The following GABRG3 variants were observed in gnomAD, a reference collection of about 807,000 sequenced individuals.
The protein encoded by GABRG3 is gamma-aminobutyric acid type A receptor subunit gamma3.
In GABRG3, 25 loss-of-function variants were observed where a neutral mutation model predicts 48.8. The ratio of observed to expected loss-of-function variants is 0.51; its 90% CI spans 0.37 to 0.72. GABRG3 has a LOEUF of 0.72. Ranked by LOEUF, GABRG3 falls within the 30% of genes least tolerant of loss-of-function variation. The pLI is 0.00. For synonymous variants in GABRG3, 227 were observed against 217.6 expected (o/e 1.04, Z -0.38); for missense variants, 394 against 577.9 (o/e 0.68, Z 3.26).
chr15:27,397,625 C>G (rs1224309128), intron 5 of GABRG3, among the ~76,000 whole-genome samples: 4 of 152,122 alleles, frequency 2.6e-5, no homozygotes, highest in Non-Finnish European at 4.4e-5. Flanking sequence ...CTCTGCTCGT[C>G]TATGGTTTGT....
At chr15:27,121,530 C>A (rs887194216) in intron 3 of GABRG3, among the ~76,000 whole-genome samples, 1 of 152,246 alleles carries the variant, frequency 6.6e-6, no homozygotes, top group Non-Finnish European at 1.5e-5. Context: ...ATGTGACTAA[C>A]AGTGACTGTG....
rs183523872 is a variant in GABRG3 at position 27,170,446 on chromosome 15, A to C, written c.270+143625A>C. ...ATGAACCCTAGAGCCACCATTAAAAACAACACTGTGAGGTAAAGCTTAAGA... is the reference window on the plus strand; with the variant it reads ...ATGAACCCTAGAGCCACCATTAAAACCAACACTGTGAGGTAAAGCTTAAGA... On this transcript the variant is annotated intron_variant, in intron 3 of 9. Coordinates refer to ENST00000615808, the MANE Select transcript of GABRG3 (RefSeq NM_033223.5). 2.0e-5 allele frequency among the ~76,000 whole-genome samples: 3 copies of C among 152,326 alleles called. No individual in the cohort carries two copies. The East Asian group carries it at 5.8e-4, about 29-fold the overall frequency.
intron 3 of GABRG3, among the ~76,000 whole-genome samples, chr15:27,034,723 T>G (rs952327576): frequency 2.2e-4 from 33 of 152,346 alleles, no homozygotes; most frequent in African/African-American, 7.2e-4. Flanking sequence ...GGTCACTTAC[T>G]TACCCCAATC....
chr15:27,410,450 T>C (rs1440735982), intron 5 of GABRG3, among the ~76,000 whole-genome samples: 2 of 152,238 alleles, frequency 1.3e-5, no homozygotes, highest in Non-Finnish European at 2.9e-5. Context: ...ACAAATATTG[T>C]CAGAATTGAT....
chr15:27,527,606 A>G lies in GABRG3; in HGVS notation c.1039A>G (p.Thr347Ala), dbSNP rs768772490. The G allele has an allele frequency of 1.2e-5, 20 of 1,611,538 alleles. No homozygotes were observed. Among genetic ancestry groups the G allele is most frequent in the Admixed American group, 3.4e-5 (2 of 59,630 alleles). ...LNYYSSCRKPTTTKKTTSLLH... is the reference protein window; with the variant it reads ...LNYYSSCRKPATTKKTTSLLH... ...CTACTATTCCAGCTGTAGAAAACCA[A>G]CCACCACGAAGAAGACAACATCGGT... is the stretch of plus-strand genomic sequence containing the variant. Residue 347 changes from threonine to alanine, a missense_variant, in exon 8 of 10, where the codon ACC becomes GCC. Thr to Ala is a moderately conservative substitution (Grantham distance 58). Transcript: ENST00000615808.
intron 3 of GABRG3, among the ~76,000 whole-genome samples, chr15:27,072,077 A>C (rs976974165): frequency 6.6e-6 from 1 of 152,148 alleles, no homozygotes; most frequent in Non-Finnish European, 1.5e-5. Flanking sequence ...CCGCCCTTAA[A>C]AGTAAGAGCC....
chr15:27,254,149 C>T (rs1456549725), intron 3 of GABRG3, among the ~76,000 whole-genome samples: 1 of 152,188 alleles, frequency 6.6e-6, no homozygotes, highest in Non-Finnish European at 1.5e-5. Flanking sequence ...CCCTGGAATG[C>T]ACTGGCGACA....
chr15:27,416,839 A>G (rs1284134638), intron 5 of GABRG3, among the ~76,000 whole-genome samples: 3 of 152,182 alleles, frequency 2.0e-5, no homozygotes, highest in Admixed American at 6.5e-5. Flanking sequence ...ATCCAAGAAG[A>G]GTTACTGATT....
At chr15:27,119,000 T>C (rs1897687801) in intron 3 of GABRG3, among the ~76,000 whole-genome samples, 1 of 152,200 alleles carries the variant, frequency 6.6e-6, no homozygotes, top group East Asian at 1.9e-4. Context: ...TCTCCTACCA[T>C]TCTTCCCTGA....
chr15:27,123,617 G>A (rs562934720), intron 3 of GABRG3, among the ~76,000 whole-genome samples: 4 of 152,164 alleles, frequency 2.6e-5, no homozygotes, highest in African/African-American at 7.2e-5. Context: ...ATCTCAGCCC[G>A]TATTCTTTGT....
chr15:27,085,334 T>A (rs1897057849), intron 3 of GABRG3, among the ~76,000 whole-genome samples: 1 of 152,206 alleles, frequency 6.6e-6, no homozygotes, highest in Non-Finnish European at 1.5e-5. Context: ...CCTATAGCAC[T>A]GGTACACCAG....
At chr15:27,235,923 C>T (rs1031937652) in intron 3 of GABRG3, among the ~76,000 whole-genome samples, 1 of 152,144 alleles carries the variant, frequency 6.6e-6, no homozygotes, top group Admixed American at 6.5e-5. Flanking sequence ...AAAAGTCCTC[C>T]TCCTCTTCCT....
intron 2 of GABRG3, among the ~76,000 whole-genome samples, chr15:26,994,269 C>T (rs1189273489): frequency 6.6e-6 from 1 of 151,680 alleles, no homozygotes; most frequent in Non-Finnish European, 1.5e-5. Flanking sequence ...CGGTTTTTTG[C>T]AGTCTTCCTT....
chr15:27,343,309 C>T (rs1253960110), intron 5 of GABRG3, among the ~76,000 whole-genome samples: 1 of 152,168 alleles, frequency 6.6e-6, no homozygotes, highest in African/African-American at 2.4e-5. Context: ...CTCAAACAGA[C>T]CTGTGCTTTG....
chr15:27,246,397 A>G (rs563195304), intron 3 of GABRG3, among the ~76,000 whole-genome samples: 1 of 152,320 alleles, frequency 6.6e-6, no homozygotes, highest in South Asian at 2.1e-4. Context: ...ATTACTTTCT[A>G]CATATATACT....
At chr15:27,267,950 T>C (rs113662932) in intron 3 of GABRG3, among the ~76,000 whole-genome samples, 3,915 of 152,266 alleles carry the variant, frequency 0.026, 91 homozygotes, top group Admixed American at 0.066. Flanking sequence ...ATATACTATT[T>C]TTAAAAAAAT....
At chr15:27,218,376 T>C (rs1337130504) in intron 3 of GABRG3, among the ~76,000 whole-genome samples, 1 of 152,164 alleles carries the variant, frequency 6.6e-6, no homozygotes, top group Non-Finnish European at 1.5e-5. Context: ...TCTCAGAATT[T>C]TATGCTCTTA....
At chr15:26,988,108 G>T (rs1895182875) in intron 2 of GABRG3, among the ~76,000 whole-genome samples, 1 of 152,162 alleles carries the variant, frequency 6.6e-6, no homozygotes, top group Admixed American at 6.5e-5. Context: ...TACTTGGAAA[G>T]AATGTATATT....
At position 26,987,171 on chromosome 15, in the gene GABRG3, T is replaced by C. The variant is rs527275131; in HGVS notation, c.202+10021T>C. 3.3e-5 allele frequency among the ~76,000 whole-genome samples: 5 copies of C among 152,186 alleles called. No homozygotes were observed. The South Asian group carries it at 6.2e-4, about 19-fold the overall frequency. The stretch of plus-strand genomic sequence containing the variant: ...TACTCGGGAGGCTGAGGCGGGAGAA[T>C]GGCGTGAGCCCGGGAGGCGGAGCTT... On this transcript the variant is annotated intron_variant, in intron 2 of 9. Coordinates refer to ENST00000615808, the MANE Select transcript of GABRG3 (RefSeq NM_033223.5).
Sources: allele counts gnomAD v4.1 joint callset (sites outside exome capture counted in the v4.1 genomes callset), GRCh38; gene constraint gnomAD v4.1.1; transcripts MANE v1.5; gene names NCBI Gene and HGNC (gene_info 2026-07-23, HGNC 2026-07-21).